Variants in AEBP2 observed in about 807,000 individuals in gnomAD.
The protein encoded by AEBP2 is zinc finger protein AEBP2.
Under a neutral mutation model 50.8 loss-of-function variants are expected in AEBP2, and 10 were observed. That is an observed-to-expected ratio of 0.20 (90% confidence interval 0.12 to 0.33). The LOEUF is 0.33. Ranked by LOEUF, AEBP2 falls within the 10% of genes least tolerant of loss-of-function variation. The probability of loss-of-function intolerance (pLI) is 1.00; values close to 1 mark genes in which losing one functional copy is unlikely to be tolerated. For synonymous variants in AEBP2, 296 were observed against 261.3 expected, an observed-to-expected ratio of 1.13 and a Z score of -1.28; for missense variants, 570 against 688.0, an observed-to-expected ratio of 0.83 and a Z score of 1.92.
intron 5 of AEBP2, 59 bp from the exon 6 acceptor site, chr12:19,512,339 A>G (rs1418376158): frequency 2.4e-6 from 3 of 1,249,560 alleles, no homozygotes; most frequent in Admixed American, 2.5e-5. Flanking sequence ...TTTTTTAACA[A>G]TACATGAAAA....
chr12:19,466,731 C>T (rs894817404), intron 2 of AEBP2: 58 of 918,518 alleles, frequency 6.3e-5, no homozygotes, highest in African/African-American at 1.1e-4. Context: ...TTTCTTATTT[C>T]TTCTTTCTCT....
In AEBP2 at chr12:19,439,618, T is replaced by G; in HGVS notation, c.-82T>G. Reference sequence around the variant, plus strand: ...GCGGCGTCGGCGGAGTTTTGGGCGTTTGGGAGGGGGGCGAGGGAGAGAGAG... The same window carrying G: ...GCGGCGTCGGCGGAGTTTTGGGCGTGTGGGAGGGGGGCGAGGGAGAGAGAG... On this transcript the variant is annotated 5_prime_UTR_variant, in exon 1 of 8. Transcript: ENST00000266508. 6.9e-6 allele frequency: 10 copies of G among 1,457,432 alleles called. No homozygotes were observed. Among genetic ancestry groups the G allele is most frequent in the Non-Finnish European group, 8.2e-6 (9 of 1,101,782 alleles). The allele number at this position is 1,457,432 out of a possible 1,614,324, so 90.3% of individuals were successfully genotyped here.
chr12:19,447,169 C>A (rs1592721774), intron 1 of AEBP2, among the ~76,000 whole-genome samples: 1 of 152,176 alleles, frequency 6.6e-6, no homozygotes, highest in African/African-American at 2.4e-5. Flanking sequence ...GCAAGTGAGG[C>A]CTTTCATGCC....
At chr12:19,413,182 A>C in intron 1 of AEBP2, 1 of 761,888 alleles carries the variant, frequency 1.3e-6, no homozygotes, top group South Asian at 1.4e-5. Flanking sequence ...AACAGGAAGC[A>C]AAGCACAGGG....
At chr12:19,416,500 G>A (rs1227803979) in intron 1 of AEBP2, among the ~76,000 whole-genome samples, 1 of 151,932 alleles carries the variant, frequency 6.6e-6, no homozygotes, top group East Asian at 1.9e-4. Context: ...CCGTCTCCCA[G>A]GCTCAAGCGA....
chr12:19,435,181 G>A (rs980337852), upstream of AEBP2, among the ~76,000 whole-genome samples: 3 of 150,068 alleles, frequency 2.0e-5, no homozygotes, highest in Non-Finnish European at 4.4e-5. Context: ...CCAGGCTGAA[G>A]TGCAGTGGTG....
At chr12:19,440,851 T>C in intron 1 of AEBP2, 1 of 1,218,102 alleles carries the variant, frequency 8.2e-7, no homozygotes, top group Non-Finnish European at 1.1e-6. Context: ...ACCCCAGCTA[T>C]CACTTTTCTC....
At chr12:19,473,376 A>AATTTATTTATTTATTT (rs71530938) in intron 3 of AEBP2, 21 bp downstream of exon 3, 1,816 of 175,160 alleles carry the variant, frequency 0.01, 7 homozygotes, top group Admixed American at 0.011. Context: ...ATGTATATAA[A>AATTTATTTATTTATTT]ATTTATTTAT....
intron 1 of AEBP2, among the ~76,000 whole-genome samples, chr12:19,414,977 C>G (rs1173416442): frequency 4.0e-5 from 6 of 150,542 alleles, no homozygotes; most frequent in Admixed American, 4.0e-4. Flanking sequence ...AGGGTCATAC[C>G]TGAGAGTTTG....
chr12:19,438,844 C>T (rs1048163502), upstream of AEBP2, among the ~76,000 whole-genome samples: 1 of 152,098 alleles, frequency 6.6e-6, no homozygotes, highest in African/African-American at 2.4e-5. Flanking sequence ...GGTGTTAAAT[C>T]CCTATGGTAT....
intron 1 of AEBP2, among the ~76,000 whole-genome samples, chr12:19,459,517 C>T (rs866644979): frequency 6.6e-6 from 1 of 152,142 alleles, no homozygotes. Flanking sequence ...AGGCGTGAGC[C>T]ACCGCGCCCG....
chr12:19,468,090 A>G (rs538768529), intron 2 of AEBP2, among the ~76,000 whole-genome samples: 1 of 149,588 alleles, frequency 6.7e-6, no homozygotes, highest in Non-Finnish European at 1.5e-5. Context: ...GCTTGGTGGT[A>G]CCGTGGAATC....
At chr12:19,439,071 G>A (rs1947892584), upstream of AEBP2, among the ~76,000 whole-genome samples, 1 of 152,130 alleles carries the variant, frequency 6.6e-6, no homozygotes. Flanking sequence ...CAAACATAGG[G>A]TGTATTAAAA....
chr12:19,464,221 C>T (rs958316641), intron 2 of AEBP2, among the ~76,000 whole-genome samples: 3 of 152,218 alleles, frequency 2.0e-5, no homozygotes, highest in African/African-American at 4.8e-5. Flanking sequence ...AGTCTTCTCC[C>T]CCAAGCCATA....
intron 1 of AEBP2, among the ~76,000 whole-genome samples, chr12:19,458,865 C>A (rs1297523788): frequency 6.6e-6 from 1 of 152,200 alleles, no homozygotes; most frequent in East Asian, 1.9e-4. Flanking sequence ...TTCCCTTCCC[C>A]CAAATATTTA....
Position 19,456,365 on chromosome 12 carries a change from G to A in AEBP2, c.672-6145G>A, listed in dbSNP as rs1353677416. On this transcript the variant is annotated intron_variant, in intron 1 of 7. Coordinates refer to ENST00000266508, the MANE Select transcript of AEBP2 (RefSeq NM_153207.5). The stretch of plus-strand genomic sequence containing the variant: ...TCTGTCTCATATCATGAACAGCAGC[G>A]CGACCCAGAGGTGGGTAGTCTGAGA... 1.0e-5 allele frequency: 14 copies of A among 1,370,472 alleles called. No individual in the cohort carries two copies. The East Asian group carries it at 1.2e-4, about 11-fold the overall frequency. 84.9% of individuals were successfully genotyped at this position (1,370,472 alleles called of 1,614,324 possible).
chr12:19,413,583 A>AT (rs1173293483), intron 1 of AEBP2: 1 of 618,338 alleles, frequency 1.6e-6, no homozygotes, highest in Non-Finnish European at 2.9e-6. Flanking sequence ...GTTATGCAAA[A>AT]TAAAAAAAAA....
intron 1 of AEBP2, among the ~76,000 whole-genome samples, chr12:19,411,189 A>G (rs1565693502): frequency 6.6e-6 from 1 of 152,226 alleles, no homozygotes; most frequent in Non-Finnish European, 1.5e-5. Flanking sequence ...TTGAGAGTGG[A>G]TCTCCTGAAA....
chr12:19,473,564 C>T (rs566943650), intron 3 of AEBP2, among the ~76,000 whole-genome samples: 1 of 152,122 alleles, frequency 6.6e-6, no homozygotes, highest in East Asian at 1.9e-4. Context: ...TGCCACCACA[C>T]CTGGCTAATT....
Sources: gnomAD v4.1 joint callset for allele counts (sites outside exome capture counted in the v4.1 genomes callset) on GRCh38, gnomAD v4.1.1 for gene constraint, MANE v1.5 for transcripts, NCBI Gene and HGNC (gene_info 2026-07-23, HGNC 2026-07-21) for gene names.